The following TAFA1 variants were observed in gnomAD, a reference collection of about 807,000 sequenced individuals.
TAFA1 encodes the protein TAFA chemokine like family member 1.
A neutral mutation model predicts 18.5 loss-of-function variants in TAFA1; 4 were observed. That is an observed-to-expected ratio of 0.22 (90% CI 0.11 to 0.49). The LOEUF is 0.49. Ranked by LOEUF, TAFA1 falls within the 20% of genes least tolerant of loss-of-function variation. The pLI is 0.98. For synonymous variants in TAFA1, 56 were observed against 55.2 expected (o/e 1.01, Z -0.06); for missense variants, 147 against 169.0 (o/e 0.87, Z 0.72).
intron 3 of TAFA1, among the ~76,000 whole-genome samples, chr3:68,524,626 G>A (rs1381138611): frequency 6.6e-6 from 1 of 151,950 alleles, no homozygotes; most frequent in Non-Finnish European, 1.5e-5. Flanking sequence ...CCCTCAGATT[G>A]GGAAGTACTT....
intron 3 of TAFA1, among the ~76,000 whole-genome samples, chr3:68,517,324 T>A (rs9838165): frequency 2.6e-5 from 4 of 152,054 alleles, no homozygotes; most frequent in Non-Finnish European, 5.9e-5. Context: ...AAGGTAATAA[T>A]GTTTCCTTTT....
intron 3 of TAFA1, among the ~76,000 whole-genome samples, chr3:68,487,969 A>G (rs934128887): frequency 6.6e-6 from 1 of 152,202 alleles, no homozygotes; most frequent in Non-Finnish European, 1.5e-5. Context: ...TGCAGTAAGT[A>G]GCACAAATTT....
At chr3:68,457,277 G>A (rs1212714979) in intron 3 of TAFA1, among the ~76,000 whole-genome samples, 1 of 152,132 alleles carries the variant, frequency 6.6e-6, no homozygotes, top group Admixed American at 6.6e-5. Flanking sequence ...GCCTGTAAGT[G>A]TGTGTGTAAA....
At chr3:68,255,376 T>C (rs2067278263) in intron 2 of TAFA1, among the ~76,000 whole-genome samples, 1 of 152,182 alleles carries the variant, frequency 6.6e-6, no homozygotes, top group East Asian at 1.9e-4. Flanking sequence ...CTGATTGCAG[T>C]AATCATTAAA....
chr3:68,083,213 T>A (rs2064926744), intron 2 of TAFA1, among the ~76,000 whole-genome samples: 1 of 152,094 alleles, frequency 6.6e-6, no homozygotes, highest in South Asian at 2.1e-4. Flanking sequence ...AGAAACAAAA[T>A]ACATTCTGGG....
chr3:68,286,848 A>C (rs2068016712), intron 2 of TAFA1, among the ~76,000 whole-genome samples: 1 of 152,198 alleles, frequency 6.6e-6, no homozygotes, highest in African/African-American at 2.4e-5. Context: ...AAAACTCTCT[A>C]TTATTTGTGC....
chr3:68,240,259 T>G (rs2066979126), intron 2 of TAFA1, among the ~76,000 whole-genome samples: 1 of 152,326 alleles, frequency 6.6e-6, no homozygotes, highest in East Asian at 1.9e-4. Context: ...CAAGGAAAGC[T>G]GTTTAAGAAA....
intron 2 of TAFA1, among the ~76,000 whole-genome samples, chr3:68,263,502 G>T (rs930562682): frequency 6.9e-6 from 1 of 145,982 alleles, no homozygotes; most frequent in Non-Finnish European, 1.5e-5. Context: ...GGATACTGAG[G>T]CCCAGGGACT....
intron 3 of TAFA1, among the ~76,000 whole-genome samples, chr3:68,477,035 C>T (rs996796225): frequency 1.3e-5 from 2 of 152,166 alleles, no homozygotes; most frequent in Non-Finnish European, 2.9e-5. Context: ...CTTTCAACTG[C>T]TTCATTCCCC....
intron 2 of TAFA1, among the ~76,000 whole-genome samples, chr3:68,273,387 A>G (rs1016648355): frequency 6.6e-6 from 1 of 152,210 alleles, no homozygotes; most frequent in African/African-American, 2.4e-5. Context: ...CAGAGCTTGC[A>G]TTGTCCTCTT....
intron 2 of TAFA1, among the ~76,000 whole-genome samples, chr3:68,288,232 G>A (rs1280279804): frequency 1.3e-5 from 2 of 152,154 alleles, no homozygotes; most frequent in African/African-American, 2.4e-5. Context: ...TCACTCCGCA[G>A]TGCAAAACAG....
intron 3 of TAFA1, among the ~76,000 whole-genome samples, chr3:68,439,419 A>G (rs1004730740): frequency 2.0e-5 from 2 of 102,304 alleles, no homozygotes; most frequent in Non-Finnish European, 4.1e-5. Flanking sequence ...ATACATATAT[A>G]TATATATATA....
At chr3:68,303,787 A>T (rs56991197) in intron 2 of TAFA1, among the ~76,000 whole-genome samples, 15,554 of 152,182 alleles carry the variant, frequency 0.1, 942 homozygotes, top group East Asian at 0.27. Flanking sequence ...TGTCACAAAG[A>T]GGCAAATTTA....
intron 2 of TAFA1, among the ~76,000 whole-genome samples, chr3:68,132,642 T>A (rs897097050): frequency 6.6e-6 from 1 of 152,252 alleles, no homozygotes; most frequent in Non-Finnish European, 1.5e-5. Flanking sequence ...ATGAGCTTTT[T>A]TTCATATATT....
intron 3 of TAFA1, among the ~76,000 whole-genome samples, chr3:68,495,089 C>T (rs2072521961): frequency 6.6e-6 from 1 of 152,140 alleles, no homozygotes. Flanking sequence ...TGATGTTCTC[C>T]ATTCTGTATA....
chr3:68,423,207 C>T (rs141877250), intron 3 of TAFA1, among the ~76,000 whole-genome samples: 1 of 151,938 alleles, frequency 6.6e-6, no homozygotes, highest in African/African-American at 2.4e-5. Context: ...TAATGTTTAC[C>T]ATTTTTTAAG....
chr3:68,146,941 T>C (rs2065748071), intron 2 of TAFA1, among the ~76,000 whole-genome samples: 1 of 151,996 alleles, frequency 6.6e-6, no homozygotes, highest in Non-Finnish European at 1.5e-5. Flanking sequence ...GCTGGAAATT[T>C]GGAGATGCTG....
intron 2 of TAFA1, among the ~76,000 whole-genome samples, chr3:68,264,225 A>C (rs1363542240): frequency 6.6e-6 from 1 of 152,148 alleles, no homozygotes; most frequent in Non-Finnish European, 1.5e-5. Flanking sequence ...AGCCAAGATC[A>C]CACCACCGCA....
intron 2 of TAFA1, among the ~76,000 whole-genome samples, chr3:68,206,462 T>C (rs2066527319): frequency 6.6e-6 from 1 of 151,912 alleles, no homozygotes; most frequent in African/African-American, 2.4e-5. Context: ...AAAAATATAA[T>C]AGTTCCCAAA....
Sources: gnomAD v4.1 joint callset for allele counts (sites outside exome capture counted in the v4.1 genomes callset) on GRCh38, gnomAD v4.1.1 for gene constraint, MANE v1.5 for transcripts, NCBI Gene and HGNC (gene_info 2026-07-23, HGNC 2026-07-21) for gene names.